Variants in TTC6 observed in about 807,000 individuals in gnomAD.
TTC6 encodes tetratricopeptide repeat domain 6, also known as tetratricopeptide repeat protein 6.
TTC6 carries 172 observed loss-of-function variants against 210.4 expected under a neutral mutation model. The observed-to-expected ratio is 0.82, with a 90% CI of 0.72 to 0.93. The LOEUF (loss-of-function observed/expected upper bound fraction) is 0.93. Ranked by LOEUF, TTC6 falls within the 40% of genes least tolerant of loss-of-function variation. The probability of loss-of-function intolerance (pLI) is 0.00; values close to 1 mark genes in which losing one functional copy is unlikely to be tolerated. For missense variants in TTC6, 2,414 were observed against 2,318.1 expected, an observed-to-expected ratio of 1.04 and a Z score of -0.85; for synonymous variants, 804 against 819.6, an observed-to-expected ratio of 0.98 and a Z score of 0.32.
At chr14:37,823,947 A>G (rs1364730069) in exon 27 of TTC6, 1 of 1,613,648 alleles carries the variant, frequency 6.2e-7, no homozygotes, top group Non-Finnish European at 8.5e-7. Flanking sequence ...AGTTTTGGCT[A>G]TAATTTGCAG....
In TTC6 at chr14:37,841,408, G is replaced by A. The variant is rs1003350591; in HGVS notation, c.5299-37G>A. 5.2e-6 allele frequency: 8 copies of A among 1,533,844 alleles called. No individual in the cohort carries two copies. The African/African-American group carries it at 5.6e-5, about 11-fold the overall frequency. Reference sequence around the variant, plus strand: ...GCTTCAAATTTCTGTATAGTAAGTTGCCAATTAAAATATATCATTATCTTC... The same window carrying A: ...GCTTCAAATTTCTGTATAGTAAGTTACCAATTAAAATATATCATTATCTTC... On this transcript the variant is annotated intron_variant, in intron 29 of 30. Transcript: ENST00000553443.
chr14:37,636,359 CCAT>C, intron 1 of TTC6, among the ~76,000 whole-genome samples: 2 of 152,160 alleles, frequency 1.3e-5, no homozygotes, highest in Admixed American at 1.3e-4. Context: ...CTAAGATGGA[CCAT>C]ATCTTGGGCC....
In TTC6 at chr14:37,726,070, C is replaced by A. The variant is rs111414085; in HGVS notation, c.1818+1068C>A. Among the ~76,000 whole-genome samples, 2 of 152,066 alleles carry A rather than the reference C, an allele frequency of 1.3e-5. 1 individual carries two copies. Among genetic ancestry groups the A allele is most frequent in the African/African-American group, 4.8e-5 (2 of 41,526 alleles). Reference sequence around the variant, plus strand: ...GTAAAAATTCTTCTCCTTCTTCCTCCTCCTCTTTTCTGCTTTTTCCTTTTT... The same window carrying A: ...GTAAAAATTCTTCTCCTTCTTCCTCATCCTCTTTTCTGCTTTTTCCTTTTT... On this transcript the variant is annotated intron_variant, in intron 7 of 30. Transcript: ENST00000553443.
chr14:37,707,662 A>G (rs1174067072), intron 5 of TTC6, among the ~76,000 whole-genome samples: 1 of 152,070 alleles, frequency 6.6e-6, no homozygotes, highest in Non-Finnish European at 1.5e-5. Context: ...CCTATAATAA[A>G]TCTTTCTCAA....
Position 37,667,898 on chromosome 14 carries a change from G to A in TTC6, c.940-12253G>A, listed in dbSNP as rs1452233415. ...CACACCTGTAATCCCAGCACTTTGGGAGGCTGAGCGGGTGGATCATGAGGT... is the reference window on the plus strand; with the variant it reads ...CACACCTGTAATCCCAGCACTTTGGAAGGCTGAGCGGGTGGATCATGAGGT... On this transcript the variant is annotated intron_variant, in intron 1 of 30. Transcript: ENST00000553443. Among the ~76,000 whole-genome samples, 2 of 150,582 alleles carry A rather than the reference G, an allele frequency of 1.3e-5. 1 individual carries two copies. Among genetic ancestry groups the A allele is most frequent in the Non-Finnish European group, 3.0e-5 (2 of 67,122 alleles).
At chr14:37,770,295 G>A (rs1464969554) in intron 14 of TTC6, among the ~76,000 whole-genome samples, 6 of 152,190 alleles carry the variant, frequency 3.9e-5, no homozygotes, top group Non-Finnish European at 5.9e-5. Context: ...TTGGGGTGGA[G>A]AGTTCTGTAG....
chr14:37,771,246 T>A (rs2096017502), intron 14 of TTC6, among the ~76,000 whole-genome samples: 1 of 152,156 alleles, frequency 6.6e-6, no homozygotes, highest in South Asian at 2.1e-4. Context: ...ATTTTTTCCT[T>A]CATTTCAACT....
At position 37,753,054 on chromosome 14, in the gene TTC6, T is replaced by A. The variant is rs1595199705; in HGVS notation, c.3130-45T>A. On this transcript the variant is annotated intron_variant, in intron 13 of 30. Transcript: ENST00000553443. ...CACTTATGTGATTATATACTTCATT[T>A]TTTTTCATTTTGTGATGTTTATGTA... is the stretch of plus-strand genomic sequence containing the variant. The A allele has an allele frequency of 5.5e-6, 8 of 1,444,552 alleles. No homozygotes were observed. The East Asian group carries it at 2.0e-4, about 36-fold the overall frequency. The allele number at this position is 1,444,552 out of a possible 1,614,324, so 89.5% of individuals were successfully genotyped here.
intron 1 of TTC6, among the ~76,000 whole-genome samples, chr14:37,632,239 C>T (rs1479408241): frequency 2.6e-5 from 4 of 152,186 alleles, no homozygotes; most frequent in Non-Finnish European, 1.5e-5. Context: ...GTTTTTTCCT[C>T]ATCTTCTTGG....
At chr14:37,708,822 G>C (rs908142579) in intron 5 of TTC6, among the ~76,000 whole-genome samples, 1 of 152,042 alleles carries the variant, frequency 6.6e-6, no homozygotes, top group Non-Finnish European at 1.5e-5. Context: ...TGAAAATCCT[G>C]TTTTGATTCT....
intron 13 of TTC6, 63 bp from the exon 16 acceptor site, chr14:37,753,036 G>A: frequency 2.3e-6 from 3 of 1,289,830 alleles, no homozygotes; most frequent in Non-Finnish European, 3.1e-6. Flanking sequence ...GATCACTTAT[G>A]TGATTATATA....
intron 20 of TTC6, among the ~76,000 whole-genome samples, chr14:37,804,229 C>G (rs1023488622): frequency 3.3e-5 from 5 of 152,106 alleles, no homozygotes; most frequent in African/African-American, 1.2e-4. Flanking sequence ...AGGAGGACAG[C>G]AGGACACAAT....
chr14:37,698,034 G>GAT (rs976542399), intron 4 of TTC6, among the ~76,000 whole-genome samples: 13 of 151,614 alleles, frequency 8.6e-5, no homozygotes, highest in Admixed American at 2.0e-4. Context: ...AGATCTTGTT[G>GAT]ATATATATAT....
At chr14:37,656,556 T>C (rs913562075) in intron 1 of TTC6, among the ~76,000 whole-genome samples, 6 of 151,316 alleles carry the variant, frequency 4.0e-5, no homozygotes, top group Admixed American at 1.3e-4. Context: ...TGTGTGTGTA[T>C]TGATGGGCAT....
chr14:37,611,062 A>G (rs1477535317), intron 2 of TTC6, among the ~76,000 whole-genome samples: 1 of 152,196 alleles, frequency 6.6e-6, no homozygotes, highest in Non-Finnish European at 1.5e-5. Context: ...TAGCGCCGGG[A>G]GAAGTGAGGC....
At chr14:37,804,656 C>T (rs781246997) in intron 20 of TTC6, 24 bp from the exon 23 acceptor site, 2 of 1,604,374 alleles carry the variant, frequency 1.2e-6, no homozygotes, top group African/African-American at 1.3e-5. Context: ...TTCTTGCCCC[C>T]TCCCTGCTTT....
rs182690541 is a variant in TTC6, at chr14:37,725,700, T to C, written c.1818+698T>C. ...ATTTAAAAAATGTTATACTTATCCA[T>C]GTGACTTTAGCTAGTTAAGAAGAAT... On this transcript the variant is annotated intron_variant, in intron 7 of 30. Coordinates refer to ENST00000553443, the Ensembl canonical transcript of TTC6. Among the ~76,000 whole-genome samples, 110 of 152,210 alleles carry C rather than the reference T, an allele frequency of 7.2e-4. 1 individual carries two copies. The East Asian group carries it at 0.016, about 22-fold the overall frequency.
At chr14:37,777,380 G>T (rs1038983039) in intron 14 of TTC6, among the ~76,000 whole-genome samples, 2 of 151,906 alleles carry the variant, frequency 1.3e-5, no homozygotes, top group Non-Finnish European at 2.9e-5. Flanking sequence ...TACTCAGCTT[G>T]GTCTGTTCTG....
At chr14:37,809,208 A>G (rs2096124573) in intron 24 of TTC6, among the ~76,000 whole-genome samples, 1 of 151,932 alleles carries the variant, frequency 6.6e-6, no homozygotes, top group African/African-American at 2.4e-5. Flanking sequence ...AATACATTAC[A>G]TAATTATCAA....
Sources: allele counts gnomAD v4.1 joint callset (sites outside exome capture counted in the v4.1 genomes callset), GRCh38; gene constraint gnomAD v4.1.1; transcripts MANE v1.5; gene names NCBI Gene and HGNC (gene_info 2026-07-23, HGNC 2026-07-21).